Variants in KCNK2 observed in about 807,000 individuals in gnomAD.
The protein encoded by KCNK2 is potassium channel subfamily K member 2.
KCNK2 carries 21 observed loss-of-function variants against 40.5 expected under a neutral mutation model. That is an observed-to-expected ratio of 0.52 (90% confidence interval 0.37 to 0.75). The LOEUF (loss-of-function observed/expected upper bound fraction) is 0.75, where lower values mean the gene tolerates loss of function less well. Ranked by LOEUF, KCNK2 falls within the 30% of genes least tolerant of loss-of-function variation. The pLI is 0.00. For synonymous variants in KCNK2, 191 were observed against 202.2 expected, an observed-to-expected ratio of 0.94 and a Z score of 0.47; for missense variants, 399 against 531.6, an observed-to-expected ratio of 0.75 and a Z score of 2.45.
At chr1:215,106,353 A>C (rs1182998607) in intron 2 of KCNK2, among the ~76,000 whole-genome samples, 1 of 151,952 alleles carries the variant, frequency 6.6e-6, no homozygotes, top group Non-Finnish European at 1.5e-5. Context: ...AATGTTGAGC[A>C]TTTTTTGTAT....
At chr1:215,209,382 A>AAT (rs57107621) in intron 6 of KCNK2, among the ~76,000 whole-genome samples, 1 of 70,830 alleles carries the variant, frequency 1.4e-5, no homozygotes, top group African/African-American at 6.2e-5. Context: ...TTATATATAA[A>AAT]ATATATATAT....
In KCNK2 at chr1:215,114,915, G is replaced by C. The variant is rs545928882; in HGVS notation, c.358-9718G>C. 9.5e-4 allele frequency among the ~76,000 whole-genome samples: 145 copies of C among 151,972 alleles called. 1 individual carries two copies. The Middle Eastern group carries it at 0.02, about 21-fold the overall frequency. ...TATTATTGGAATGTCTTAGTATAGT[G>C]CCTTTACTCATGACTAATTTGGGTT... is the stretch of plus-strand genomic sequence containing the variant. On this transcript the variant is annotated intron_variant, in intron 2 of 6. Coordinates refer to ENST00000444842, the MANE Select transcript of KCNK2 (RefSeq NM_001017425.3).
intron 1 of KCNK2, among the ~76,000 whole-genome samples, chr1:215,033,529 G>A (rs556401582): frequency 1.4e-4 from 21 of 152,226 alleles, no homozygotes; most frequent in Non-Finnish European, 2.6e-4. Context: ...GAGGGGAGGA[G>A]AAGTGTTTTA....
chr1:215,051,273 A>T (rs1187442853), intron 1 of KCNK2, among the ~76,000 whole-genome samples: 1 of 152,136 alleles, frequency 6.6e-6, no homozygotes. Context: ...GGAAGATGGA[A>T]GGAACAAAGT....
At chr1:215,177,722 GTATA>G (rs1553270861) in intron 5 of KCNK2, among the ~76,000 whole-genome samples, 3 of 116,252 alleles carry the variant, frequency 2.6e-5, no homozygotes, top group Middle Eastern at 5.0e-3. Flanking sequence ...ATATATATGT[GTATA>G]TATATATATA....
At chr1:215,150,122 T>C (rs1662621658) in intron 3 of KCNK2, among the ~76,000 whole-genome samples, 1 of 152,108 alleles carries the variant, frequency 6.6e-6, no homozygotes, top group Non-Finnish European at 1.5e-5. Flanking sequence ...GATCCAGTCT[T>C]GGGACTATGT....
At chr1:215,064,331 T>TTG (rs377211894) in intron 1 of KCNK2, among the ~76,000 whole-genome samples, 2 of 151,430 alleles carry the variant, frequency 1.3e-5, no homozygotes, top group African/African-American at 4.9e-5. Flanking sequence ...GTGTTTTTGT[T>TTG]TGTGTGTGTG....
chr1:215,156,574 A>G (rs1432736524), intron 3 of KCNK2, among the ~76,000 whole-genome samples: 2 of 152,162 alleles, frequency 1.3e-5, no homozygotes, highest in Non-Finnish European at 2.9e-5. Context: ...TGGAACAAAT[A>G]TTTCTACTGT....
At position 215,111,354 on chromosome 1, in the gene KCNK2, A is replaced by G. The variant is rs1393784572; in HGVS notation, c.358-13279A>G. ...CACCATTGAGTATAATGTTAACTGT[A>G]GGGTGTTATATATGACTATTATTTG... On this transcript the variant is annotated intron_variant, in intron 2 of 6. Coordinates refer to ENST00000444842, the MANE Select transcript of KCNK2 (RefSeq NM_001017425.3). Among the ~76,000 whole-genome samples the G allele has an allele frequency of 2.0e-5, 3 of 152,116 alleles. No homozygotes were observed. In the East Asian group the frequency reaches 5.8e-4, roughly 29 times the overall value.
intron 5 of KCNK2, among the ~76,000 whole-genome samples, chr1:215,185,430 T>A (rs1403196737): frequency 6.6e-6 from 1 of 152,142 alleles, no homozygotes; most frequent in African/African-American, 2.4e-5. Context: ...AACGGCTGGG[T>A]AGCAGATGTG....
At chr1:215,021,489 A>AGG (rs1656784468) in intron 1 of KCNK2, among the ~76,000 whole-genome samples, 1 of 148,948 alleles carries the variant, frequency 6.7e-6, no homozygotes. Flanking sequence ...GAACAAAAAG[A>AGG]CAGAGGAAAG....
At chr1:215,030,826 G>C (rs1657163672) in intron 1 of KCNK2, among the ~76,000 whole-genome samples, 2 of 151,658 alleles carry the variant, frequency 1.3e-5, no homozygotes, top group African/African-American at 2.4e-5. Context: ...GGGATTATAG[G>C]CATGAGTGAC....
chr1:215,066,918 CATATG>C (rs1558075484), intron 1 of KCNK2, among the ~76,000 whole-genome samples: 1 of 152,064 alleles, frequency 6.6e-6, no homozygotes. Context: ...TGAAAAAATT[CATATG>C]ATATAATTTT....
chr1:215,078,627 C>A (rs1352046752), upstream of KCNK2, among the ~76,000 whole-genome samples: 1 of 152,074 alleles, frequency 6.6e-6, no homozygotes, highest in Non-Finnish European at 1.5e-5. Flanking sequence ...CTGTTCCCAC[C>A]CTTGACATGT....
chr1:215,138,484 G>C (rs1662028636), intron 3 of KCNK2, among the ~76,000 whole-genome samples: 1 of 152,144 alleles, frequency 6.6e-6, no homozygotes, highest in Non-Finnish European at 1.5e-5. Flanking sequence ...GTATAGACCA[G>C]GTACAGCGGC....
chr1:215,233,948 CT>C (rs1022476553), intron 6 of KCNK2, among the ~76,000 whole-genome samples: 4 of 151,990 alleles, frequency 2.6e-5, no homozygotes, highest in Non-Finnish European at 5.9e-5. Flanking sequence ...ATCGATGGCA[CT>C]TTTTTTTCTT....
chr1:215,083,204 G>GGCCGC lies in KCNK2; in HGVS notation c.-182_-181insGCCGC. The GGCCGC allele has an allele frequency of 3.7e-6, 1 of 273,550 alleles. No individual in the cohort carries two copies. Among genetic ancestry groups the GGCCGC allele is most frequent in the Non-Finnish European group, 6.4e-6 (1 of 155,378 alleles). 16.9% of individuals were successfully genotyped at this position (273,550 alleles called of 1,614,324 possible). A position where few individuals can be genotyped will look rare whatever the true frequency, so the allele number is the denominator to read the frequency against. On this transcript the variant is annotated 5_prime_UTR_variant, in exon 1 of 7. Coordinates refer to ENST00000444842, the MANE Select transcript of KCNK2 (RefSeq NM_001017425.3). Reference sequence around the variant, plus strand: ...CGTTTCTTCTCACGCTCCCCCCCCCGCCCCCTCCCGCGTCCAGCCCCGCTC... The same window carrying GGCCGC: ...CGTTTCTTCTCACGCTCCCCCCCCCGGCCGCCCCCCTCCCGCGTCCAGCCCCGCTC...
chr1:215,134,702 A>G (rs1661824394), intron 3 of KCNK2, among the ~76,000 whole-genome samples: 1 of 152,030 alleles, frequency 6.6e-6, no homozygotes, highest in Non-Finnish European at 1.5e-5. Flanking sequence ...CTATCCAGGA[A>G]CCCAGTAAGA....
At chr1:215,184,369 A>G (rs1351076907) in intron 5 of KCNK2, among the ~76,000 whole-genome samples, 1 of 152,160 alleles carries the variant, frequency 6.6e-6, no homozygotes, top group Non-Finnish European at 1.5e-5. Flanking sequence ...AATATAACTA[A>G]CAAGGCCTTA....
Sources: gnomAD v4.1 joint callset for allele counts (sites outside exome capture counted in the v4.1 genomes callset) on GRCh38, gnomAD v4.1.1 for gene constraint, MANE v1.5 for transcripts, NCBI Gene and HGNC (gene_info 2026-07-23, HGNC 2026-07-21) for gene names.